The following COL1A1 variants were observed in gnomAD, a reference collection of about 807,000 sequenced individuals.
COL1A1 encodes the protein collagen type I alpha 1 chain.
A neutral mutation model predicts 195.7 loss-of-function variants in COL1A1; 21 were observed. The observed-to-expected ratio is 0.11, with a 90% CI of 0.08 to 0.15. The LOEUF is 0.15. Among genes scored for constraint, COL1A1 ranks in the 10% least tolerant of loss-of-function variants. The pLI, the probability that COL1A1 is intolerant of heterozygous loss-of-function variation, is 1.00. For missense variants in COL1A1, 1,365 were observed against 2,051.0 expected (o/e 0.67, Z 6.46); for synonymous variants, 749 against 747.3 (o/e 1.00, Z -0.04).
chr17:50,199,479 A>T lies in COL1A1; in HGVS notation c.334-26T>A, dbSNP rs41317347. On this transcript the variant is annotated intron_variant, in intron 3 of 50. Coordinates refer to ENST00000225964, the MANE Select transcript of COL1A1 (RefSeq NM_000088.4). ...CTGTGGGATTGGGGGAGAAGAAACAAGAGGCCAGGTTAGAGAAGGGAGGAC... is the reference window on the plus strand; with the variant it reads ...CTGTGGGATTGGGGGAGAAGAAACATGAGGCCAGGTTAGAGAAGGGAGGAC... The T allele has an allele frequency of 1.4e-3, 2,189 of 1,614,176 alleles. 33 individuals carry two copies. The African/African-American group carries it at 0.026, about 20-fold the overall frequency.
At chr17:50,200,005 C>A in intron 1 of COL1A1, 58 bp from the exon 2 acceptor site, 1 of 1,570,860 alleles carries the variant, frequency 6.4e-7, no homozygotes, top group Non-Finnish European at 8.8e-7. Context: ...AGCTTAACCA[C>A]CTTTCCCCCG....
chr17:50,191,675 C>G (rs547744241), intron 31 of COL1A1, 113 bp downstream of exon 31: 16 of 1,282,092 alleles, frequency 1.2e-5, no homozygotes, highest in South Asian at 2.5e-5. Flanking sequence ...CTTTTCCCCC[C>G]ACCCCACACC....
At position 50,191,673 on chromosome 17, in the gene COL1A1, C is replaced by T. The variant is rs896927444; in HGVS notation, c.2127+115G>A. The T allele has an allele frequency of 9.4e-6, 12 of 1,277,896 alleles. No individual in the cohort carries two copies. In the Admixed American group the frequency reaches 2.0e-4, roughly 21 times the overall value. 79.2% of individuals were successfully genotyped at this position (1,277,896 alleles called of 1,614,324 possible). ...TGGGCCCCTGCCCTGGTCTTTTCCC[C>T]CCACCCCACACCCTATCTCCATGGC... is the stretch of plus-strand genomic sequence containing the variant. On this transcript the variant is annotated intron_variant, in intron 31 of 50. Coordinates refer to ENST00000225964, the MANE Select transcript of COL1A1 (RefSeq NM_000088.4).
intron 25 of COL1A1, 52 bp from the exon 26 acceptor site, chr17:50,193,099 C>T: frequency 1.9e-6 from 3 of 1,561,480 alleles, no homozygotes; most frequent in East Asian, 2.2e-5. Flanking sequence ...AAGCCAGGGC[C>T]TCCTGGGGCC....
At chr17:50,200,457 C>G (rs114028749) in intron 1 of COL1A1, among the ~76,000 whole-genome samples, 1 of 151,754 alleles carries the variant, frequency 6.6e-6, no homozygotes, top group Non-Finnish European at 1.5e-5. Flanking sequence ...GGAAGGGAGG[C>G]CCCCCCAAGA....
At position 50,201,607 on chromosome 17, in the gene COL1A1, A is replaced by C. The variant is rs1598303888; in HGVS notation, c.-94T>G. ...CACACTCCGCGTGCCTCCTGCTCCG[A>C]CCCCGAGGAGAAACTCCCGTCTGCT... On this transcript the variant is annotated 5_prime_UTR_variant, in exon 1 of 51. Transcript: ENST00000225964. The C allele has an allele frequency of 1.1e-5, 12 of 1,105,038 alleles. No homozygotes were observed. The highest frequency in any genetic ancestry group is 1.3e-5 in the Non-Finnish European group (10 of 789,326). The allele number at this position is 1,105,038 out of a possible 1,614,324, so 68.5% of individuals were successfully genotyped here.
Position 50,191,457 on chromosome 17 carries a change from G to C in COL1A1, c.2161C>G (p.Gln721Glu), listed in dbSNP as rs193922145. The change falls in exon 32 of 51, where the codon CAG (glutamine) becomes GAG (glutamate). Residue 721 changes from glutamine to glutamate, a missense_variant. By Grantham distance (29) the Gln-to-Glu change is conservative. This residue lies in a region of COL1A1 where 671 missense variants were observed against 1,099.9 expected (regional missense o/e 0.61). Transcript: ENST00000225964. ...DAGAPGAPGS[Q>E]GAPGLQGMPG... ...ATTCCCTGAAGGCCAGGGGCGCCCT[G>C]GCTACCGGGAGCTCCAGGGGCACCA... 6.2e-7 allele frequency: 1 copy of C among 1,613,912 alleles called. No individual in the cohort carries two copies. The highest frequency in any genetic ancestry group is 1.3e-5 in the African/African-American group (1 of 75,006).
At position 50,195,892 on chromosome 17, in the gene COL1A1, G is replaced by T. The variant is rs752122766; in HGVS notation, c.1056+31C>A. The T allele has an allele frequency of 2.6e-5, 40 of 1,562,384 alleles. No homozygotes were observed. In the East Asian group the frequency reaches 9.0e-4, roughly 35 times the overall value. On this transcript the variant is annotated intron_variant, in intron 16 of 50. Transcript: ENST00000225964. This position sits in a 1 kb window ranked among gnomAD's most constrained non-coding sequence, Gnocchi z 4.3. ...GACATGAACCCCTTGGCCCATGAGG[G>T]TCATGCTTAGAGGAGAGTGGGGGGT...
rs774210351 is a variant in COL1A1, at chr17:50,185,848, G to A, written c.4178C>T (p.Ser1393Phe). ...CTCGGCGCGGATCTCGATCTCGTTG[G>A]AGCCCTGGAGGAGCAGGGCCTTCTT... Reference protein sequence around the residue: ...NLKKALLLQGSNEIEIRAEGN... With the variant: ...NLKKALLLQGFNEIEIRAEGN... Residue 1393 changes from serine to phenylalanine, a missense_variant, in exon 50 of 51, where the codon TCC (serine) becomes TTC (phenylalanine). Coordinates refer to ENST00000225964, the MANE Select transcript of COL1A1 (RefSeq NM_000088.4). 4 of 1,614,168 alleles carry A rather than the reference G, an allele frequency of 2.5e-6. No individual in the cohort carries two copies. Among genetic ancestry groups the A allele is most frequent in the Non-Finnish European group, 3.4e-6 (4 of 1,180,026 alleles).
chr17:50,197,069 G>A lies in COL1A1; in HGVS notation c.751-6C>T. On this transcript the variant is annotated splice_region_variant and splice_polypyrimidine_tract_variant and intron_variant, in intron 10 of 50. Transcript: ENST00000225964. ...CCGGGCAATCCTCGAGCACCCTGGA[G>A]AGAGATGAAGAAGACAAGGAAGGGC... The A allele has an allele frequency of 5.0e-6, 8 of 1,614,190 alleles. No homozygotes were observed. Among genetic ancestry groups the A allele is most frequent in the Non-Finnish European group, 5.9e-6 (7 of 1,180,038 alleles).
Position 50,189,575 on chromosome 17 carries a change from G to A in COL1A1, c.2668-37C>T, listed in dbSNP as rs1321284804. ...TAGGAGGGGCTGTCAGACTCCAGGG[G>A]GCTCTGGTGCATCATTGGGTCCTCA... On this transcript the variant is annotated intron_variant, in intron 38 of 50. Transcript: ENST00000225964. This position sits in a 1 kb window ranked among gnomAD's most constrained non-coding sequence, Gnocchi z 5.5. 16 of 1,612,884 alleles carry A rather than the reference G, an allele frequency of 9.9e-6. No homozygotes were observed. The highest frequency in any genetic ancestry group is 1.6e-4 in the Middle Eastern group (1 of 6,078).
At chr17:50,200,054 C>T in intron 1 of COL1A1, 107 bp from the exon 2 acceptor site, 3 of 1,203,352 alleles carry the variant, frequency 2.5e-6, no homozygotes, top group Non-Finnish European at 3.7e-6. Flanking sequence ...CTTCCCGCCC[C>T]TCCCCCCGTT....
Position 50,190,204 on chromosome 17 carries a change from T to A in COL1A1, c.2452-96A>T. The stretch of plus-strand genomic sequence containing the variant: ...TAATGGAGGCAGGAAGATGCTTGGG[T>A]GGGAAACAATCCCGTCTCCACCCTT... On this transcript the variant is annotated intron_variant, in intron 35 of 50. Coordinates refer to ENST00000225964, the MANE Select transcript of COL1A1 (RefSeq NM_000088.4). This position sits in a 1 kb window ranked among gnomAD's most constrained non-coding sequence, Gnocchi z 4.7. 1 of 1,286,474 alleles carries A rather than the reference T, an allele frequency of 7.8e-7. No individual in the cohort carries two copies. The highest frequency in any genetic ancestry group is 1.1e-6 in the Non-Finnish European group (1 of 882,962). 79.7% of individuals were successfully genotyped at this position (1,286,474 alleles called of 1,614,324 possible). A position where few individuals can be genotyped will look rare whatever the true frequency, so the allele number is the denominator to read the frequency against.
Position 50,193,898 on chromosome 17 carries a change from G to A in COL1A1, c.1767+45C>T, listed in dbSNP as rs757058205. On this transcript the variant is annotated intron_variant, in intron 25 of 50. Transcript: ENST00000225964. ...AGCCCAGGACTCCTTCAAGTCTCAG[G>A]TGTGTTTGTCCCTGGCTCTTCATGG... is the stretch of plus-strand genomic sequence containing the variant. 5 of 1,547,438 alleles carry A rather than the reference G, an allele frequency of 3.2e-6. No homozygotes were observed. In the Admixed American group the frequency reaches 5.0e-5, roughly 16 times the overall value.
At chr17:50,199,723 C>T (rs759110293) in intron 2 of COL1A1, 30 bp downstream of exon 2, 3 of 1,593,506 alleles carry the variant, frequency 1.9e-6, no homozygotes, top group Non-Finnish European at 2.6e-6. Context: ...GCCCCAGGCC[C>T]CAGGCCCCAG....
Position 50,195,233 on chromosome 17 carries a change from C to T in COL1A1, c.1298G>A (p.Ser433Asn). Residue 433 changes from serine to asparagine, a missense_variant and splice_region_variant, in exon 19 of 51, where the codon AGC becomes AAC. Transcript: ENST00000225964. The surrounding 1 kb of genome is among the most constrained non-coding windows in gnomAD (Gnocchi z 4.3). ...PGGPPGPKGN[S>N]GEPGAPGSKG... ...CAGAAGGGAGAGTTTGGTACTCACG[C>T]TGTTACCCTTGGGACCAGGAGGGCC... The T allele has an allele frequency of 4.3e-6, 7 of 1,612,592 alleles. No homozygotes were observed. Among genetic ancestry groups the T allele is most frequent in the Non-Finnish European group, 5.9e-6 (7 of 1,179,180 alleles).
chr17:50,199,968 G>A, intron 1 of COL1A1, 21 bp from the exon 2 acceptor site: 2 of 1,613,562 alleles, frequency 1.2e-6, no homozygotes, highest in Non-Finnish European at 1.7e-6. Context: ...CGGAAGAGGG[G>A]CGTTGTCAGT....
Position 50,197,763 on chromosome 17 carries a change from G to T in COL1A1, c.665C>A (p.Pro222His). 6.2e-7 allele frequency: 1 copy of T among 1,601,886 alleles called. No individual in the cohort carries two copies. ...TCCATTCTTTCCAGGGGGACCTGGG[G>T]GACCTCGGGGACCCATGGGACCCTA... ...GASGPMGPRG[P>H]PGPPGKNGDD... is the part of the protein sequence containing the mutation. The change falls in exon 9 of 51, where the codon CCC (proline) becomes CAC (histidine). Residue 222 changes from proline to histidine, a missense_variant. This residue lies in a region of COL1A1 where 226 missense variants were observed against 372.9 expected (regional missense o/e 0.61). Coordinates refer to ENST00000225964, the MANE Select transcript of COL1A1 (RefSeq NM_000088.4).
rs1567756256 is a variant in COL1A1 at position 50,190,283 on chromosome 17, G to A, written c.2451+44C>T. On this transcript the variant is annotated intron_variant, in intron 35 of 50. Coordinates refer to ENST00000225964, the MANE Select transcript of COL1A1 (RefSeq NM_000088.4). This position sits in a 1 kb window ranked among gnomAD's most constrained non-coding sequence, Gnocchi z 4.7. ...CCTCATTCCGTCCCTCGAGGTCCCA[G>A]GTCCCAGTCGGTGATGAAAAATGAT... 6.8e-7 allele frequency: 1 copy of A among 1,472,698 alleles called. No homozygotes were observed. The highest frequency in any genetic ancestry group is 9.5e-7 in the Non-Finnish European group (1 of 1,051,308). 91.2% of individuals were successfully genotyped at this position (1,472,698 alleles called of 1,614,324 possible).
Sources: gnomAD v4.1 joint callset for allele counts (sites outside exome capture counted in the v4.1 genomes callset) on GRCh38, gnomAD v4.1.1 for gene constraint, gnomAD v4.1.1 regional missense constraint, Gnocchi (gnomAD v3.1) non-coding constraint, MANE v1.5 for transcripts, NCBI Gene and HGNC (gene_info 2026-07-23, HGNC 2026-07-21) for gene names.